Variants in ANAPC1 observed in about 807,000 individuals in gnomAD.
ANAPC1 encodes the protein anaphase promoting complex subunit 1.
A neutral mutation model predicts 208.0 loss-of-function variants in ANAPC1; 36 were observed. That is an observed-to-expected ratio of 0.17 (90% CI 0.13 to 0.23). ANAPC1 has a LOEUF of 0.23. ANAPC1 is among the 10% of genes least tolerant of loss of function. The pLI, the probability that ANAPC1 is intolerant of heterozygous loss-of-function variation, is 1.00. For synonymous variants in ANAPC1, 378 were observed against 695.2 expected, an observed-to-expected ratio of 0.54 and a Z score of 7.18; for missense variants, 942 against 2,011.6, an observed-to-expected ratio of 0.47 and a Z score of 10.17.
chr2:111,856,754 G>C lies in ANAPC1; in HGVS notation c.1449+42C>G, dbSNP rs1260631055. Reference sequence around the variant, plus strand: ...AACAGATTTTTTGACTGAAAAATCTGTTGAAGCGTAATTGTCAACTTCTCA... The same window carrying C: ...AACAGATTTTTTGACTGAAAAATCTCTTGAAGCGTAATTGTCAACTTCTCA... On this transcript the variant is annotated intron_variant, in intron 12 of 47. Coordinates refer to ENST00000341068, the MANE Select transcript of ANAPC1 (RefSeq NM_022662.4). The C allele has an allele frequency of 3.7e-6, 6 of 1,613,020 alleles. No homozygotes were observed. In the Admixed American group the frequency reaches 1.0e-4, roughly 27 times the overall value.
intron 34 of ANAPC1, among the ~76,000 whole-genome samples, chr2:111,795,296 C>A (rs1398384477): frequency 2.3e-4 from 35 of 151,652 alleles, no homozygotes; most frequent in African/African-American, 8.2e-4. Context: ...GCAGTAGAAT[C>A]ACTTGAATCT....
chr2:111,804,387 C>T (rs1172071841), intron 30 of ANAPC1, among the ~76,000 whole-genome samples: 6 of 105,196 alleles, frequency 5.7e-5, no homozygotes, highest in African/African-American at 2.2e-4. Context: ...ATATAAAACA[C>T]GGCCATCTGG....
chr2:111,823,538 G>A (rs1679664114), intron 24 of ANAPC1, among the ~76,000 whole-genome samples: 1 of 152,006 alleles, frequency 6.6e-6, no homozygotes, highest in Admixed American at 6.5e-5. Flanking sequence ...GAGTCCGATT[G>A]TCTATCATCA....
chr2:111,822,947 C>T (rs1297438255), intron 24 of ANAPC1, among the ~76,000 whole-genome samples: 2 of 149,468 alleles, frequency 1.3e-5, no homozygotes, highest in Non-Finnish European at 3.0e-5. Flanking sequence ...ATGTCAAAGC[C>T]AATCAATACT....
chr2:111,821,915 G>GA (rs200349649), intron 25 of ANAPC1, among the ~76,000 whole-genome samples: 4,069 of 151,316 alleles, frequency 0.027, 164 homozygotes, highest in African/African-American at 0.091. Flanking sequence ...CAACTCTACT[G>GA]AAAAAAACAC....
At chr2:111,871,666 C>T (rs1379481476) in intron 6 of ANAPC1, among the ~76,000 whole-genome samples, 2 of 151,888 alleles carry the variant, frequency 1.3e-5, no homozygotes, top group East Asian at 1.9e-4. Context: ...GCAGGAGAAT[C>T]GCTTGAACCT....
intron 32 of ANAPC1, 82 bp from the exon 33 acceptor site, chr2:111,802,588 A>AT (rs1201000203): frequency 2.2e-6 from 1 of 458,840 alleles, no homozygotes; most frequent in African/African-American, 2.7e-5. Flanking sequence ...ATTTCAAAAC[A>AT]TTTCTTCCCG....
At position 111,810,310 on chromosome 2, in the gene ANAPC1, G is replaced by C. The variant is rs533412358; in HGVS notation, c.3598-1129C>G. Among the ~76,000 whole-genome samples, 953 of 151,342 alleles carry C rather than the reference G, an allele frequency of 6.3e-3. 6 individuals are homozygous for C. The highest frequency in any genetic ancestry group is 0.01 in the Middle Eastern group (3 of 294). On this transcript the variant is annotated intron_variant, in intron 28 of 47. Coordinates refer to ENST00000341068, the MANE Select transcript of ANAPC1 (RefSeq NM_022662.4). Reference sequence around the variant, plus strand: ...AGGAAGTGAAGTGAAGGTGGGGGGGGGTGAGGTAGAGGAATGGGGAGTCAC... The same window carrying C: ...AGGAAGTGAAGTGAAGGTGGGGGGGCGTGAGGTAGAGGAATGGGGAGTCAC...
chr2:111,866,849 T>C (rs771138314), intron 7 of ANAPC1, among the ~76,000 whole-genome samples: 2 of 148,634 alleles, frequency 1.3e-5, no homozygotes, highest in African/African-American at 5.0e-5. Flanking sequence ...CAGGCTCTAG[T>C]ATGTTTATTC....
At chr2:111,876,628 T>G (rs1262369385) in intron 3 of ANAPC1, among the ~76,000 whole-genome samples, 1 of 152,148 alleles carries the variant, frequency 6.6e-6, no homozygotes, top group Non-Finnish European at 1.5e-5. Context: ...GGGAAAAAAT[T>G]TACCATCAAA....
intron 17 of ANAPC1, among the ~76,000 whole-genome samples, chr2:111,841,040 C>T (rs1680733522): frequency 6.6e-6 from 1 of 152,218 alleles, no homozygotes; most frequent in African/African-American, 2.4e-5. Context: ...GAAACCCCGT[C>T]TTAAAAAAGG....
chr2:111,838,336 G>A (rs905078756), intron 18 of ANAPC1, 102 bp downstream of exon 18: 1 of 823,522 alleles, frequency 1.2e-6, no homozygotes, highest in African/African-American at 1.8e-5. Flanking sequence ...AAAGTGAAAG[G>A]TGTTGGAAAG....
At position 111,862,528 on chromosome 2, in the gene ANAPC1, T is replaced by C; in HGVS notation, c.1123A>G (p.Asn375Asp). The C allele has an allele frequency of 6.2e-7, 1 of 1,611,482 alleles. No homozygotes were observed. The highest frequency in any genetic ancestry group is 8.5e-7 in the Non-Finnish European group (1 of 1,179,490). ...ATACTATGTCTCTTTGGAGACTGAT[T>C]ATGGCTTGAAATGTTGAACCTTTGC... is the stretch of plus-strand genomic sequence containing the variant. ...GVQRFNISSH[N>D]QSPKRHSISH... The change falls in exon 10 of 48, where the codon AAT (asparagine) becomes GAT (aspartate). Residue 375 changes from asparagine (N) to aspartate (D), a missense_variant. Physicochemically the swap from Asn to Asp is conservative, Grantham distance 23. Transcript: ENST00000341068.
chr2:111,793,002 A>G (rs570813714), intron 37 of ANAPC1, among the ~76,000 whole-genome samples: 172 of 152,380 alleles, frequency 1.1e-3, no homozygotes, highest in Admixed American at 2.0e-3. Context: ...ATTATGAAAT[A>G]TAAGTTCAAC....
At chr2:111,838,685 G>C (rs543621168) in intron 17 of ANAPC1, among the ~76,000 whole-genome samples, 173 bp from the exon 18 acceptor site, 1 of 152,308 alleles carries the variant, frequency 6.6e-6, no homozygotes, top group South Asian at 2.1e-4. Context: ...CCAGGTTACT[G>C]TAAAGATGAA....
chr2:111,855,727 A>T (rs986802631), intron 13 of ANAPC1, among the ~76,000 whole-genome samples: 1 of 152,200 alleles, frequency 6.6e-6, no homozygotes, highest in African/African-American at 2.4e-5. Context: ...TTTATCACAA[A>T]ATCAGGATTC....
chr2:111,846,114 A>C (rs1681047314), intron 16 of ANAPC1, among the ~76,000 whole-genome samples: 1 of 152,208 alleles, frequency 6.6e-6, no homozygotes, highest in South Asian at 2.1e-4. Flanking sequence ...CTGCTTTGGC[A>C]GTTAGATTTG....
At chr2:111,792,884 C>T (rs1432182559) in intron 37 of ANAPC1, among the ~76,000 whole-genome samples, 2 of 151,942 alleles carry the variant, frequency 1.3e-5, no homozygotes, top group Non-Finnish European at 2.9e-5. Flanking sequence ...ACCCGGGGTG[C>T]GGAGCTCGCA....
downstream of ANAPC1, chr2:111,766,806 C>T: frequency 2.6e-6 from 1 of 377,374 alleles, no homozygotes; most frequent in Non-Finnish European, 5.4e-6. Flanking sequence ...GAAAGACCCC[C>T]ACCTTATTGC....
Sources: allele counts gnomAD v4.1 joint callset (sites outside exome capture counted in the v4.1 genomes callset), GRCh38; gene constraint gnomAD v4.1.1; transcripts MANE v1.5; gene names NCBI Gene and HGNC (gene_info 2026-07-23, HGNC 2026-07-21).